KCNQ1: variants seen among roughly 807,000 people sequenced by gnomAD.
The protein encoded by KCNQ1 is potassium voltage-gated channel subfamily KQT member 1.
In KCNQ1, 49 loss-of-function variants were observed where a neutral mutation model predicts 72.4. That is an observed-to-expected ratio of 0.68 (90% CI 0.54 to 0.86). The LOEUF (loss-of-function observed/expected upper bound fraction) is 0.86, where lower values mean the gene tolerates loss of function less well. Among genes scored for constraint, KCNQ1 ranks in the 40% least tolerant of loss-of-function variants. The pLI is 0.00. For missense variants in KCNQ1, 790 were observed against 945.1 expected (o/e 0.84, Z 2.15); for synonymous variants, 450 against 412.6 (o/e 1.09, Z -1.10).
rs561787731 is a variant in KCNQ1 at position 2,566,702 on chromosome 11, C to T, written c.478-3926C>T. ...AGGACGGCTCTTCTTCTCGTATCTA[C>T]GGGGCAGAGCTCAGGGCCGCACTCC... On this transcript the variant is annotated intron_variant, in intron 2 of 15. Coordinates refer to ENST00000155840, the MANE Select transcript of KCNQ1 (RefSeq NM_000218.3). This position sits in a 1 kb window ranked among gnomAD's most constrained non-coding sequence, Gnocchi z 6.7. Among the ~76,000 whole-genome samples, 16 of 152,202 alleles carry T rather than the reference C, an allele frequency of 1.1e-4. No individual in the cohort carries two copies. The highest frequency in any genetic ancestry group is 4.2e-4 in the South Asian group (2 of 4,810).
chr11:2,692,615 C>T (rs1028097350), intron 11 of KCNQ1: 28 of 398,642 alleles, frequency 7.0e-5, no homozygotes, highest in Non-Finnish European at 1.1e-4. Flanking sequence ...TCCTGCTATA[C>T]ACCTGCTGTG....
In KCNQ1 at chr11:2,498,031, C is replaced by G. The variant is rs1259402705; in HGVS notation, c.387-29897C>G. Among the ~76,000 whole-genome samples the G allele has an allele frequency of 6.6e-6, 1 of 152,216 alleles. No homozygotes were observed. Among genetic ancestry groups the G allele is most frequent in the African/African-American group, 2.4e-5 (1 of 41,454 alleles). On this transcript the variant is annotated intron_variant, in intron 1 of 15. Coordinates refer to ENST00000155840, the MANE Select transcript of KCNQ1 (RefSeq NM_000218.3). The surrounding 1 kb of genome is among the most constrained non-coding windows in gnomAD (Gnocchi z 4.8). ...AGAACAGCAAAGATTGCTGCCTACT[C>G]CTTCCTCTGGAAGCTTTGTCCCAGA... is the stretch of plus-strand genomic sequence containing the variant.
chr11:2,564,530 G>A lies in KCNQ1; in HGVS notation c.478-6098G>A, dbSNP rs1019307506. ...GAATCACTTGAACCTGGGAGGCAGA[G>A]GTTGCAGTGAGCTGAGATGGTGCCA... is the stretch of plus-strand genomic sequence containing the variant. On this transcript the variant is annotated intron_variant, in intron 2 of 15. Transcript: ENST00000155840. The surrounding 1 kb of genome is among the most constrained non-coding windows in gnomAD (Gnocchi z 4.5). Among the ~76,000 whole-genome samples the A allele has an allele frequency of 3.9e-5, 6 of 152,230 alleles. No homozygotes were observed. Among genetic ancestry groups the A allele is most frequent in the African/African-American group, 1.2e-4 (5 of 41,456 alleles).
In KCNQ1 at chr11:2,483,414, C is replaced by A. The variant is rs377701128; in HGVS notation, c.386+37930C>A. ...CATCTTAATAACGGGGTGTATTGAC[C>A]AAAACCGACACCTGATACATTACCG... On this transcript the variant is annotated intron_variant, in intron 1 of 15. Transcript: ENST00000155840. This position sits in a 1 kb window ranked among gnomAD's most constrained non-coding sequence, Gnocchi z 6.1. Among the ~76,000 whole-genome samples the A allele has an allele frequency of 8.0e-4, 122 of 152,200 alleles. 1 individual carries two copies. In the Middle Eastern group the frequency reaches 0.027, roughly 34 times the overall value.
intron 10 of KCNQ1, among the ~76,000 whole-genome samples, chr11:2,591,456 C>T (rs1360173618): frequency 6.6e-6 from 1 of 152,240 alleles, no homozygotes; most frequent in Non-Finnish European, 1.5e-5. Context: ...GCACAAAGGG[C>T]GATTGTGCCA....
At chr11:2,753,054 G>A (rs1031784183) in intron 11 of KCNQ1, among the ~76,000 whole-genome samples, 1 of 152,164 alleles carries the variant, frequency 6.6e-6, no homozygotes, top group African/African-American at 2.4e-5. Flanking sequence ...CATGTGTGAT[G>A]CATCAACCCA....
intron 11 of KCNQ1, among the ~76,000 whole-genome samples, chr11:2,719,075 C>T (rs1235378434): frequency 6.6e-6 from 1 of 152,216 alleles, no homozygotes; most frequent in African/African-American, 2.4e-5. Flanking sequence ...GGCAGGAGGC[C>T]CTGTGGCAAG....
chr11:2,628,496 A>G (rs983712718), intron 10 of KCNQ1: 16 of 398,246 alleles, frequency 4.0e-5, no homozygotes, highest in Non-Finnish European at 6.6e-5. Flanking sequence ...TGGGTTATTA[A>G]GTTTTTTTGC....
chr11:2,629,292 C>T (rs1248649846), intron 10 of KCNQ1: 1 of 398,166 alleles, frequency 2.5e-6, no homozygotes, highest in African/African-American at 2.1e-5. Flanking sequence ...TTTTCAGTGT[C>T]TAGGTCTTTT....
intron 10 of KCNQ1, chr11:2,632,503 T>C: frequency 2.5e-6 from 1 of 398,448 alleles, no homozygotes; most frequent in East Asian, 3.6e-5. Flanking sequence ...GTTTTTCTTC[T>C]AGGAGTCTTT....
chr11:2,463,368 G>A lies in KCNQ1; in HGVS notation c.386+17884G>A, dbSNP rs911186426. ...ATTTGCCCCCTCTATCCCCCAGATC[G>A]GCGGCTGCTCAAGGAGCCTGGTACA... is the stretch of plus-strand genomic sequence containing the variant. On this transcript the variant is annotated intron_variant, in intron 1 of 15. Coordinates refer to ENST00000155840, the MANE Select transcript of KCNQ1 (RefSeq NM_000218.3). This position sits in a 1 kb window ranked among gnomAD's most constrained non-coding sequence, Gnocchi z 7.0. 4.6e-5 allele frequency among the ~76,000 whole-genome samples: 7 copies of A among 152,194 alleles called. No homozygotes were observed. Among genetic ancestry groups the A allele is most frequent in the Non-Finnish European group, 8.8e-5 (6 of 68,018 alleles).
At chr11:2,510,438 C>G (rs1318913335) in intron 1 of KCNQ1, among the ~76,000 whole-genome samples, 2 of 151,832 alleles carry the variant, frequency 1.3e-5, no homozygotes, top group African/African-American at 4.8e-5. Flanking sequence ...GAAACCCCGT[C>G]TCTACTAAAA....
At position 2,526,425 on chromosome 11, in the gene KCNQ1, A is replaced by T. The variant is rs1478351385; in HGVS notation, c.387-1503A>T. Among the ~76,000 whole-genome samples the T allele has an allele frequency of 6.6e-6, 1 of 151,974 alleles. No individual in the cohort carries two copies. The highest frequency in any genetic ancestry group is 1.5e-5 in the Non-Finnish European group (1 of 67,970). Reference sequence around the variant, plus strand: ...TTTTGGCCCCAGTCCCAGCAGCGGGACTATGGCTGTGGGGAGGGAGGAACC... The same window carrying T: ...TTTTGGCCCCAGTCCCAGCAGCGGGTCTATGGCTGTGGGGAGGGAGGAACC... On this transcript the variant is annotated intron_variant, in intron 1 of 15. Transcript: ENST00000155840. This position sits in a 1 kb window ranked among gnomAD's most constrained non-coding sequence, Gnocchi z 6.1.
At position 2,543,817 on chromosome 11, in the gene KCNQ1, T is replaced by C. The variant is rs576208603; in HGVS notation, c.477+15799T>C. On this transcript the variant is annotated intron_variant, in intron 2 of 15. Coordinates refer to ENST00000155840, the MANE Select transcript of KCNQ1 (RefSeq NM_000218.3). The surrounding 1 kb of genome is among the most constrained non-coding windows in gnomAD (Gnocchi z 5.6). Reference sequence around the variant, plus strand: ...GCGGAGATTCATGTGTTTTTTCTTATGGATGACTGACTGGTCCAGTGTCAT... The same window carrying C: ...GCGGAGATTCATGTGTTTTTTCTTACGGATGACTGACTGGTCCAGTGTCAT... 1.1e-4 allele frequency among the ~76,000 whole-genome samples: 17 copies of C among 152,318 alleles called. No homozygotes were observed. The highest frequency in any genetic ancestry group is 7.7e-4 in the East Asian group (4 of 5,186).
rs1847276895 is a variant in KCNQ1 at position 2,515,666 on chromosome 11, A to G, written c.387-12262A>G. Among the ~76,000 whole-genome samples the G allele has an allele frequency of 6.6e-6, 1 of 152,096 alleles. No individual in the cohort carries two copies. The highest frequency in any genetic ancestry group is 2.1e-4 in the South Asian group (1 of 4,834). On this transcript the variant is annotated intron_variant, in intron 1 of 15. Coordinates refer to ENST00000155840, the MANE Select transcript of KCNQ1 (RefSeq NM_000218.3). This position sits in a 1 kb window ranked among gnomAD's most constrained non-coding sequence, Gnocchi z 4.7. ...CTCACAGAGACAAGACGAGTGTCCT[A>G]GGGCAGATAGGGCCACATCCATGGG...
Position 2,661,797 on chromosome 11 carries a change from A to G in KCNQ1, c.1394-164A>G, listed in dbSNP as rs1237784960. 3 of 784,574 alleles carry G rather than the reference A, an allele frequency of 3.8e-6. No homozygotes were observed. Among genetic ancestry groups the G allele is most frequent in the East Asian group, 5.3e-5 (2 of 37,640 alleles). 48.6% of individuals were successfully genotyped at this position (784,574 alleles called of 1,614,324 possible). On this transcript the variant is annotated intron_variant, in intron 10 of 15. Transcript: ENST00000155840. This position sits in a 1 kb window ranked among gnomAD's most constrained non-coding sequence, Gnocchi z 5.9. ...CAGGCACTTTGGGGCCATCTTAAAC[A>G]CCCACCCACCCCAACACCCAACTAT...
At chr11:2,667,981 C>A (rs1021385707) in intron 11 of KCNQ1, 1 of 398,680 alleles carries the variant, frequency 2.5e-6, no homozygotes, top group Non-Finnish European at 4.4e-6. Context: ...CTCCCATTTC[C>A]TGTCACTGAC....
Position 2,778,047 on chromosome 11 carries a change from C to G in KCNQ1, c.1794+10C>G, listed in dbSNP as rs558507741. ...CCGAGTAGAAGACAAGGTAGGCTCA[C>G]GCGCCGGCCTGCGGTGGTTCTGGTT... On this transcript the variant is annotated intron_variant, in intron 15 of 15. Coordinates refer to ENST00000155840, the MANE Select transcript of KCNQ1 (RefSeq NM_000218.3). 3 of 1,613,052 alleles carry G rather than the reference C, an allele frequency of 1.9e-6. No individual in the cohort carries two copies. The highest frequency in any genetic ancestry group is 1.7e-6 in the Non-Finnish European group (2 of 1,179,888).
At chr11:2,801,870 G>A (rs1020541679) in intron 15 of KCNQ1, among the ~76,000 whole-genome samples, 4 of 152,232 alleles carry the variant, frequency 2.6e-5, no homozygotes, top group South Asian at 2.1e-4. Context: ...TGGTGTCCCC[G>A]CAGCCCCTGG....
Sources: gnomAD v4.1 joint callset for allele counts (sites outside exome capture counted in the v4.1 genomes callset) on GRCh38, gnomAD v4.1.1 for gene constraint, Gnocchi (gnomAD v3.1) non-coding constraint, MANE v1.5 for transcripts, NCBI Gene and HGNC (gene_info 2026-07-23, HGNC 2026-07-21) for gene names.